Variants in LRRC9 observed in about 807,000 individuals in gnomAD.
LRRC9 encodes the protein leucine-rich repeat-containing protein 9.
A neutral mutation model predicts 63.2 loss-of-function variants in LRRC9; 122 were observed. The ratio of observed to expected loss-of-function variants is 1.93; its 90% CI spans 1.67 to 2.24. LRRC9 has a LOEUF of 2.24. LRRC9 is among the 30% of genes most tolerant of loss of function. The pLI is 0.00. For synonymous variants in LRRC9, 366 were observed against 213.1 expected, an observed-to-expected ratio of 1.72 and a Z score of -6.25; for missense variants, 1,071 against 627.7, an observed-to-expected ratio of 1.71 and a Z score of -7.55.
At chr14:60,066,628 G>T (rs1478143749), downstream of LRRC9, among the ~76,000 whole-genome samples, 1 of 151,976 alleles carries the variant, frequency 6.6e-6, no homozygotes, top group African/African-American at 2.4e-5. Context: ...AAGTATTTTT[G>T]AAGAAAAACC....
chr14:59,967,121 C>CT lies in LRRC9; in HGVS notation c.1420dup (p.Tyr474LeufsTer4), dbSNP rs1340104206. The CT allele has an allele frequency of 3.1e-6, 2 of 645,488 alleles. No homozygotes were observed. The highest frequency in any genetic ancestry group is 5.8e-6 in the Non-Finnish European group (2 of 344,866). The allele number at this position is 645,488 out of a possible 1,614,324, so 40.0% of individuals were successfully genotyped here. A position where few individuals can be genotyped will look rare whatever the true frequency, so the allele number is the denominator to read the frequency against. ...GAGCTACCGAAGGATGCTGGAATGCCTTTTTTATGTTTTTGATCCTGAAGT... is the reference window on the plus strand; with the variant it reads ...GAGCTACCGAAGGATGCTGGAATGCCTTTTTTTATGTTTTTGATCCTGAAGT... On this transcript the variant is annotated frameshift_variant, in exon 12 of 32. Coordinates refer to ENST00000445360, the Ensembl canonical transcript of LRRC9. LOFTEE classifies it high-confidence loss of function.
intron 29 of LRRC9, among the ~76,000 whole-genome samples, chr14:60,041,568 C>A (rs574380593): frequency 6.6e-6 from 1 of 152,200 alleles, no homozygotes; most frequent in Non-Finnish European, 1.5e-5. Context: ...TCACGCAGTT[C>A]TCCTGCCATG....
exon 28 of LRRC9, chr14:60,028,017 G>A (rs1413940602): frequency 1.4e-6 from 1 of 701,772 alleles, no homozygotes; most frequent in Admixed American, 2.0e-5. Flanking sequence ...CACTTCACTT[G>A]GAGGAAAACA....
intron 18 of LRRC9, 117 bp from the exon 19 acceptor site, chr14:59,998,984 T>G: frequency 2.1e-6 from 1 of 482,124 alleles, no homozygotes; most frequent in East Asian, 3.1e-5. Flanking sequence ...TTTAGGTATA[T>G]GTAATGAACA....
At chr14:60,064,459 T>G (rs1028231230), downstream of LRRC9, among the ~76,000 whole-genome samples, 2 of 152,242 alleles carry the variant, frequency 1.3e-5, no homozygotes, top group Non-Finnish European at 2.9e-5. Context: ...GGAAATAGTT[T>G]TAAAGGTACT....
chr14:59,985,578 A>G (rs1887380514), intron 17 of LRRC9, among the ~76,000 whole-genome samples: 1 of 152,230 alleles, frequency 6.6e-6, no homozygotes, highest in African/African-American at 2.4e-5. Flanking sequence ...AAATAAAAAG[A>G]AAAAACTTTG....
intron 17 of LRRC9, among the ~76,000 whole-genome samples, chr14:59,991,294 T>G (rs1888065111): frequency 6.6e-6 from 1 of 151,992 alleles, no homozygotes. Flanking sequence ...ATAAATGAGG[T>G]AAGTTGGTTC....
At chr14:60,001,319 T>C (rs1189781520) in intron 19 of LRRC9, among the ~76,000 whole-genome samples, 1 of 152,066 alleles carries the variant, frequency 6.6e-6, no homozygotes, top group African/African-American at 2.4e-5. Context: ...TGACAGTGTT[T>C]ATAATAGCAA....
chr14:60,008,134 A>G, exon 23 of LRRC9: 1 of 701,926 alleles, frequency 1.4e-6, no homozygotes, highest in Non-Finnish European at 2.6e-6. Context: ...TGGGAACATC[A>G]TTATATGGAA....
chr14:59,936,281 G>C lies in LRRC9; in HGVS notation c.544-2109G>C, dbSNP rs1164800013. ...TTAAAAAGGCTTTTTATGGCATTAT[G>C]ACTATCATAAAAACATTGAACGTGA... On this transcript the variant is annotated intron_variant, in intron 6 of 31. Coordinates refer to ENST00000445360, the Ensembl canonical transcript of LRRC9. The surrounding 1 kb of genome is among the most constrained non-coding windows in gnomAD (Gnocchi z 4.2). Among the ~76,000 whole-genome samples the C allele has an allele frequency of 6.6e-6, 1 of 152,098 alleles. No homozygotes were observed. The highest frequency in any genetic ancestry group is 1.5e-5 in the Non-Finnish European group (1 of 68,014).
At chr14:60,006,813 A>C in intron 22 of LRRC9, 196 bp downstream of exon 22, 1 of 379,884 alleles carries the variant, frequency 2.6e-6, no homozygotes, top group Non-Finnish European at 4.6e-6. Context: ...TAATGTCCCC[A>C]TTTGCTATCC....
rs774149015 is a variant in LRRC9 at position 60,004,863 on chromosome 14, AAT to A, written c.2842+1068_2842+1069del. On this transcript the variant is annotated intron_variant, in intron 21 of 31. Transcript: ENST00000445360. The surrounding 1 kb of genome is among the most constrained non-coding windows in gnomAD (Gnocchi z 4.8). ...TGTGCACTATTTGATTGAAAAGAGA[AAT>A]ATGTATATGTGTGTATACACACACA... Among the ~76,000 whole-genome samples the A allele has an allele frequency of 8.1e-6, 1 of 123,796 alleles. No individual in the cohort carries two copies. The highest frequency in any genetic ancestry group is 1.7e-5 in the Non-Finnish European group (1 of 57,674). The allele number at this position is 123,796 out of a possible 152,430, so 81.2% of individuals were successfully genotyped here. A position where few individuals can be genotyped will look rare whatever the true frequency, so the allele number is the denominator to read the frequency against.
chr14:59,929,332 A>G (rs1889486120), intron 3 of LRRC9, among the ~76,000 whole-genome samples: 1 of 152,028 alleles, frequency 6.6e-6, no homozygotes, highest in Non-Finnish European at 1.5e-5. Context: ...AGTTTAAAAT[A>G]ACTGATCATT....
At chr14:60,066,470 C>T (rs941464198), downstream of LRRC9, among the ~76,000 whole-genome samples, 8 of 152,016 alleles carry the variant, frequency 5.3e-5, no homozygotes, top group African/African-American at 1.9e-4. Flanking sequence ...TTTGGTTATT[C>T]AGTGAAGCTA....
At chr14:60,032,238 T>C (rs1163970756) in intron 29 of LRRC9, among the ~76,000 whole-genome samples, 175 bp downstream of exon 29, 3 of 152,168 alleles carry the variant, frequency 2.0e-5, no homozygotes, top group African/African-American at 7.2e-5. Context: ...GTTATTGTCA[T>C]GTATAAATAA....
chr14:59,966,511 C>T lies in LRRC9; in HGVS notation c.1212-78C>T, dbSNP rs979366362. 4 of 478,560 alleles carry T rather than the reference C, an allele frequency of 8.4e-6. No individual in the cohort carries two copies. The highest frequency in any genetic ancestry group is 6.9e-5 in the Admixed American group (2 of 29,034). The allele number at this position is 478,560 out of a possible 1,614,324, so 29.6% of individuals were successfully genotyped here. ...AAAATATGAGCTATAACTTTTATCA[C>T]GTAGTTTTCTGTTCTTAAACATTTT... On this transcript the variant is annotated intron_variant, in intron 10 of 31. Transcript: ENST00000445360. The surrounding 1 kb of genome is among the most constrained non-coding windows in gnomAD (Gnocchi z 4.0).
chr14:60,041,108 C>T (rs575330376), intron 29 of LRRC9, among the ~76,000 whole-genome samples: 13 of 151,962 alleles, frequency 8.6e-5, no homozygotes, highest in African/African-American at 3.1e-4. Flanking sequence ...CTGGCTCGTA[C>T]AGTTTCTGCT....
chr14:60,045,248 C>T (rs925123609), intron 29 of LRRC9, among the ~76,000 whole-genome samples: 20 of 151,674 alleles, frequency 1.3e-4, no homozygotes, highest in Admixed American at 7.9e-4. Flanking sequence ...GGTCTTCTTT[C>T]TTTCTTTTTT....
At chr14:60,025,351 C>T (rs1042793369) in intron 27 of LRRC9, among the ~76,000 whole-genome samples, 1 of 151,812 alleles carries the variant, frequency 6.6e-6, no homozygotes, top group African/African-American at 2.4e-5. Context: ...ATCCTTTCAC[C>T]TCAGCCTCCC....
Sources: allele counts gnomAD v4.1 joint callset (sites outside exome capture counted in the v4.1 genomes callset), GRCh38; gene constraint gnomAD v4.1.1; non-coding constraint Gnocchi (gnomAD v3.1); transcripts MANE v1.5; gene names NCBI Gene and HGNC (gene_info 2026-07-23, HGNC 2026-07-21).